TLE3: variants seen among roughly 807,000 people sequenced by gnomAD.
The protein encoded by TLE3 is transducin-like enhancer protein 3.
In TLE3, 14 loss-of-function variants were observed where a neutral mutation model predicts 93.0. That is an observed-to-expected ratio of 0.15 (90% CI 0.10 to 0.24). The LOEUF is 0.24. Among genes scored for constraint, TLE3 ranks in the 10% least tolerant of loss-of-function variants. The pLI is 1.00. For missense variants in TLE3, 693 were observed against 1,046.6 expected, an observed-to-expected ratio of 0.66 and a Z score of 4.66; for synonymous variants, 451 against 425.0, an observed-to-expected ratio of 1.06 and a Z score of -0.75.
In TLE3 at chr15:70,059,434, A is replaced by G; in HGVS notation, c.741T>C (p.Asp247=). The stretch of plus-strand genomic sequence containing the variant: ...CCTCATTGGAAACATCCACCACCAG[A>G]TCATCACTCTTGTCTCCATCACTGT... The part of the protein sequence containing the change: ...RYDSDGDKSD[D]LVVDVSNEDP... The change falls in exon 10 of 20, where the codon GAT becomes GAC. Residue 247 remains aspartate (D), a synonymous_variant. Transcript: ENST00000451782. 1 of 1,611,478 alleles carries G rather than the reference A, an allele frequency of 6.2e-7. No homozygotes were observed. The highest frequency in any genetic ancestry group is 8.5e-7 in the Non-Finnish European group (1 of 1,178,806).
intron 3 of TLE3, 33 bp downstream of exon 3, chr15:70,095,545 C>T: frequency 6.5e-7 from 1 of 1,548,194 alleles, no homozygotes; most frequent in South Asian, 1.2e-5. Flanking sequence ...GTCGGCGCCC[C>T]AACCGCCCCC....
At chr15:70,085,655 CACACACAAGG>C (rs1422993206) in intron 4 of TLE3, among the ~76,000 whole-genome samples, 1 of 152,222 alleles carries the variant, frequency 6.6e-6, no homozygotes, top group Non-Finnish European at 1.5e-5. Flanking sequence ...GGGTGCCTGC[CACACACAAGG>C]ACTGGGTGAC....
At position 70,049,073 on chromosome 15, in the gene TLE3, C is replaced by T. The variant is rs1220556788; in HGVS notation, c.*1024G>A. On this transcript the variant is annotated 3_prime_UTR_variant, in exon 20 of 20. Transcript: ENST00000451782. ...TAGCTCCCTGAGCTGAGTTGCTATG[C>T]TGTCTTCTAACTTTTTGTCCTTTTT... The T allele has an allele frequency of 2.0e-5, 3 of 151,632 alleles. 1 individual carries two copies. The highest frequency in any genetic ancestry group is 4.4e-5 in the Non-Finnish European group (3 of 68,002). The allele number at this position is 151,632 out of a possible 1,614,324, so 9.4% of individuals were successfully genotyped here. A position where few individuals can be genotyped will look rare whatever the true frequency, so the allele number is the denominator to read the frequency against.
chr15:70,065,308 C>T (rs1567009982), intron 7 of TLE3, among the ~76,000 whole-genome samples: 1 of 152,216 alleles, frequency 6.6e-6, no homozygotes, highest in Non-Finnish European at 1.5e-5. Flanking sequence ...CTTTTCTGAT[C>T]CAATGAACCA....
intron 17 of TLE3, chr15:70,052,759 G>A: frequency 5.5e-6 from 2 of 362,760 alleles, no homozygotes; most frequent in Non-Finnish European, 9.6e-6. Flanking sequence ...TAAGAAAAAA[G>A]TGAGTTAAAA....
At chr15:70,082,214 AATG>A (rs2057812494) in intron 4 of TLE3, among the ~76,000 whole-genome samples, 1 of 152,230 alleles carries the variant, frequency 6.6e-6, no homozygotes, top group Non-Finnish European at 1.5e-5. Flanking sequence ...ATAGCCTCTC[AATG>A]ATGTGACTAA....
chr15:70,095,709 G>A (rs1353447526), intron 2 of TLE3, 68 bp from the exon 3 acceptor site: 1 of 1,529,924 alleles, frequency 6.5e-7, no homozygotes, highest in Non-Finnish European at 8.8e-7. Context: ...CCCGACCCAA[G>A]GGCCTCTAGA....
chr15:70,056,356 G>T lies in TLE3; in HGVS notation c.1270C>A (p.Pro424Thr). ...GGGAGGCCTGTGGCCCGCATCGGGG[G>T]GTGAGGGTCAAAACCAACCTGTAAA... ...SFGAVGFDPH[P>T]PMRATGLPSS... Residue 424 changes from proline (P) to threonine (T), a missense_variant, in exon 14 of 20, where the codon CCC becomes ACC. Physicochemically the swap from Pro to Thr is conservative, Grantham distance 38 (BLOSUM62 -1). Around this residue, in one of 4 missense-constraint regions of TLE3, gnomAD observed 405 missense variants for 468.9 expected, o/e 0.86. Transcript: ENST00000451782. 1 of 1,613,492 alleles carries T rather than the reference G, an allele frequency of 6.2e-7. No individual in the cohort carries two copies. The highest frequency in any genetic ancestry group is 8.5e-7 in the Non-Finnish European group (1 of 1,179,830).
chr15:70,072,770 A>G lies in TLE3; in HGVS notation c.372+1763T>C, dbSNP rs2057250793. ...GGTGTTATTGACATCTAGTGGCTACAGGCCAAGGATGCTGCTGAACATCCC... is the reference window on the plus strand; with the variant it reads ...GGTGTTATTGACATCTAGTGGCTACGGGCCAAGGATGCTGCTGAACATCCC... On this transcript the variant is annotated intron_variant, in intron 6 of 19. Coordinates refer to ENST00000451782, the MANE Select transcript of TLE3 (RefSeq NM_001105192.3). Among the ~76,000 whole-genome samples the G allele has an allele frequency of 2.0e-5, 3 of 152,244 alleles. No homozygotes were observed. The South Asian group carries it at 6.2e-4, about 31-fold the overall frequency.
rs372260637 is a variant in TLE3 at position 70,050,052 on chromosome 15, G to C, written c.*45C>G. 1 of 1,549,058 alleles carries C rather than the reference G, an allele frequency of 6.5e-7. No homozygotes were observed. Among genetic ancestry groups the C allele is most frequent in the African/African-American group, 1.4e-5 (1 of 73,594 alleles). On this transcript the variant is annotated 3_prime_UTR_variant, in exon 20 of 20. Transcript: ENST00000451782. ...GCCTGGGGGTCTCCCTGTCAGAGCC[G>C]AGTCGGTTTCTCCCAGAGTTTGACA...
At chr15:70,087,938 T>A (rs1465338549) in intron 4 of TLE3, among the ~76,000 whole-genome samples, 1 of 152,206 alleles carries the variant, frequency 6.6e-6, no homozygotes, top group African/African-American at 2.4e-5. Flanking sequence ...GGTGTGAACC[T>A]GTACTTAAGA....
At chr15:70,056,176 CA>C in intron 14 of TLE3, 121 bp downstream of exon 14, 1 of 1,106,764 alleles carries the variant, frequency 9.0e-7, no homozygotes, top group Non-Finnish European at 1.4e-6. Context: ...GATACCTTTC[CA>C]AAGGGAGGTG....
Position 70,063,097 on chromosome 15 carries a change from C to T in TLE3, c.594+1357G>A, listed in dbSNP as rs988397191. 2.0e-5 allele frequency among the ~76,000 whole-genome samples: 3 copies of T among 152,166 alleles called. No homozygotes were observed. The South Asian group carries it at 6.2e-4, about 32-fold the overall frequency. On this transcript the variant is annotated intron_variant, in intron 8 of 19. Transcript: ENST00000451782. ...TCCCTGCTAGCCAGGTAATCTGGAT[C>T]CTCAGTCAGGTTATAAAGGGTCTTC...
At position 70,059,274 on chromosome 15, in the gene TLE3, C is replaced by G. The variant is rs562710871; in HGVS notation, c.765+136G>C. 1.2e-5 allele frequency: 13 copies of G among 1,045,608 alleles called. No homozygotes were observed. The Admixed American group carries it at 3.4e-4, about 27-fold the overall frequency. The allele number at this position is 1,045,608 out of a possible 1,614,324, so 64.8% of individuals were successfully genotyped here. A position where few individuals can be genotyped will look rare whatever the true frequency, so the allele number is the denominator to read the frequency against. On this transcript the variant is annotated intron_variant, in intron 10 of 19. Transcript: ENST00000451782. ...CCTGCTCCTCTTGACCCCCTGAGACCCCAAGACTGGAGGCCTTGTCTCCCT... is the reference window on the plus strand; with the variant it reads ...CCTGCTCCTCTTGACCCCCTGAGACGCCAAGACTGGAGGCCTTGTCTCCCT...
At chr15:70,096,100 G>A (rs2058545291) in intron 2 of TLE3, 61 bp downstream of exon 2, 1 of 1,403,974 alleles carries the variant, frequency 7.1e-7, no homozygotes, top group African/African-American at 2.5e-5. Context: ...GGGGATGGCA[G>A]GAGCCGCGCA....
chr15:70,088,718 G>A (rs1171057485), intron 4 of TLE3, among the ~76,000 whole-genome samples: 4 of 151,118 alleles, frequency 2.6e-5, no homozygotes, highest in Non-Finnish European at 4.4e-5. Flanking sequence ...CTGGGCTGAT[G>A]AGAATTAAAT....
intron 16 of TLE3, 143 bp downstream of exon 16, chr15:70,054,295 T>C (rs1430785410): frequency 1.6e-6 from 2 of 1,244,972 alleles, no homozygotes; most frequent in Non-Finnish European, 2.2e-6. Flanking sequence ...GAGCTGTCTT[T>C]TCACCTGTGC....
chr15:70,065,579 G>A (rs16954106), intron 7 of TLE3, among the ~76,000 whole-genome samples: 17,268 of 152,280 alleles, frequency 0.11, 1,030 homozygotes, highest in East Asian at 0.14. Context: ...TGATCGTGGT[G>A]AGCACAAGAC....
chr15:70,057,559 C>T lies in TLE3; in HGVS notation c.1151G>A (p.Gly384Asp), dbSNP rs554372081. ...HEMNGSLTSP[G>D]AYAGLHNIPP... ...GATGTTGTGGAGGCCGGCGTAGGCG[C>T]CAGGACTGGTGAGGGAGCCGTTCAT... Residue 384 changes from glycine (G) to aspartate (D), a missense_variant, in exon 13 of 20, where the codon GGC (glycine) becomes GAC (aspartate). By Grantham distance (94) the Gly-to-Asp change is moderately conservative. This residue lies in a region of TLE3 where 405 missense variants were observed against 468.9 expected (regional missense o/e 0.86). Transcript: ENST00000451782. The T allele has an allele frequency of 2.5e-6, 4 of 1,602,544 alleles. No homozygotes were observed. The highest frequency in any genetic ancestry group is 3.4e-6 in the Non-Finnish European group (4 of 1,175,126).
Sources: gnomAD v4.1 joint callset for allele counts (sites outside exome capture counted in the v4.1 genomes callset) on GRCh38, gnomAD v4.1.1 for gene constraint, gnomAD v4.1.1 regional missense constraint, MANE v1.5 for transcripts, NCBI Gene and HGNC (gene_info 2026-07-23, HGNC 2026-07-21) for gene names.